CCBE1: variants seen among roughly 807,000 people sequenced by gnomAD.
CCBE1 encodes collagen and calcium-binding EGF domain-containing protein 1.
In CCBE1, 37 loss-of-function variants were observed where a neutral mutation model predicts 50.0. The observed-to-expected ratio is 0.74, with a 90% CI of 0.57 to 0.97. The LOEUF is 0.97. CCBE1 is among the 50% of genes least tolerant of loss of function. The pLI, the probability that CCBE1 is intolerant of heterozygous loss-of-function variation, is 0.00. For synonymous variants in CCBE1, 234 were observed against 203.7 expected (o/e 1.15, Z -1.27); for missense variants, 538 against 523.8 (o/e 1.03, Z -0.26).
At position 59,435,006 on chromosome 18, in the gene CCBE1, CCT is replaced by C. The variant is rs1164722348; in HGVS notation, c.*900_*901del. ...CCTGCTCAGAACCAGGAATTCTGCA[CCT>C]CTCTCTAAGCTCAGCCAGTTTATTG... is the stretch of plus-strand genomic sequence containing the variant. On this transcript the variant is annotated 3_prime_UTR_variant, in exon 11 of 11. Transcript: ENST00000439986. 6.6e-6 allele frequency: 1 copy of C among 152,204 alleles called. No homozygotes were observed. The highest frequency in any genetic ancestry group is 1.5e-5 in the Non-Finnish European group (1 of 68,058). 9.4% of individuals were successfully genotyped at this position (152,204 alleles called of 1,614,324 possible).
chr18:59,468,450 G>A (rs1285371699), intron 4 of CCBE1, among the ~76,000 whole-genome samples: 1 of 152,120 alleles, frequency 6.6e-6, no homozygotes, highest in Non-Finnish European at 1.5e-5. Context: ...CCTTGTGCCT[G>A]GGACCTGAGC....
chr18:59,633,624 G>C (rs143164137), intron 2 of CCBE1, among the ~76,000 whole-genome samples: 52 of 152,176 alleles, frequency 3.4e-4, no homozygotes, highest in African/African-American at 1.2e-3. Flanking sequence ...AGTGACCCTA[G>C]AGGCAAAACA....
intron 2 of CCBE1, among the ~76,000 whole-genome samples, chr18:59,624,470 C>G (rs1420245555): frequency 6.6e-6 from 1 of 152,118 alleles, no homozygotes; most frequent in Non-Finnish European, 1.5e-5. Context: ...TTGGAACTAC[C>G]AAGATCTGGT....
At chr18:59,543,158 T>G (rs1915535650) in intron 2 of CCBE1, among the ~76,000 whole-genome samples, 1 of 152,194 alleles carries the variant, frequency 6.6e-6, no homozygotes, top group South Asian at 2.1e-4. Flanking sequence ...CTGGTGAAGA[T>G]GCAGAGTCCA....
chr18:59,547,112 G>A (rs1915733780), intron 2 of CCBE1, among the ~76,000 whole-genome samples: 1 of 129,776 alleles, frequency 7.7e-6, no homozygotes, highest in Non-Finnish European at 1.6e-5. Flanking sequence ...GGAGAGGGAG[G>A]GGAAGAGAGG....
At chr18:59,448,345 T>C (rs770242544) in intron 6 of CCBE1, among the ~76,000 whole-genome samples, 1 of 152,174 alleles carries the variant, frequency 6.6e-6, no homozygotes, top group Admixed American at 6.5e-5. Flanking sequence ...AAGCTCCAGA[T>C]GGCCTAGATA....
intron 2 of CCBE1, among the ~76,000 whole-genome samples, chr18:59,572,208 T>C (rs1271313601): frequency 6.6e-6 from 1 of 152,234 alleles, no homozygotes; most frequent in Admixed American, 6.5e-5. Context: ...CAAAATGTCT[T>C]GCACTATCAA....
At position 59,486,746 on chromosome 18, in the gene CCBE1, A is replaced by G. The variant is rs912116712; in HGVS notation, c.213-6508T>C. The stretch of plus-strand genomic sequence containing the variant: ...AAGATGATCTCCAAGTCTGGTGAGA[A>G]GGAAGACTTCCATCTTTCTCCCCAA... On this transcript the variant is annotated intron_variant, in intron 2 of 10. Transcript: ENST00000439986. Among the ~76,000 whole-genome samples, 120 of 152,300 alleles carry G rather than the reference A, an allele frequency of 7.9e-4. 1 individual carries two copies. The highest frequency in any genetic ancestry group is 2.5e-3 in the African/African-American group (103 of 41,566).
chr18:59,553,825 CA>C (rs1360678396), intron 2 of CCBE1, among the ~76,000 whole-genome samples: 2 of 152,168 alleles, frequency 1.3e-5, no homozygotes, highest in African/African-American at 4.8e-5. Context: ...ACCCGGAGGC[CA>C]GAGGAAGAGC....
chr18:59,648,696 T>C (rs1380689369), intron 2 of CCBE1, among the ~76,000 whole-genome samples: 1 of 152,140 alleles, frequency 6.6e-6, no homozygotes, highest in Non-Finnish European at 1.5e-5. Flanking sequence ...AGCAAGACCC[T>C]GTCTCAAAAG....
intron 7 of CCBE1, among the ~76,000 whole-genome samples, chr18:59,446,296 T>C (rs1169803162): frequency 6.6e-6 from 1 of 152,220 alleles, no homozygotes; most frequent in Admixed American, 6.5e-5. Flanking sequence ...GTTGGTTTTG[T>C]TCTAGTGATC....
rs55840819 is a variant in CCBE1 at position 59,477,538 on chromosome 18, C to CTGTGTGTG, written c.265+2640_265+2647dup. On this transcript the variant is annotated intron_variant, in intron 3 of 10. Coordinates refer to ENST00000439986, the MANE Select transcript of CCBE1 (RefSeq NM_133459.4). ...CTTTCCATGGATTATTTCCATGTCT[C>CTGTGTGTG]TGTGTGTGTGTGTGTGTGTGTGTGT... is the stretch of plus-strand genomic sequence containing the variant. Among the ~76,000 whole-genome samples the CTGTGTGTG allele has an allele frequency of 4.5e-3, 668 of 149,984 alleles. 2 individuals are homozygous for CTGTGTGTG. Among genetic ancestry groups the CTGTGTGTG allele is most frequent in the African/African-American group, 0.015 (617 of 41,110 alleles).
intron 2 of CCBE1, among the ~76,000 whole-genome samples, chr18:59,510,418 A>G (rs564837530): frequency 2.6e-5 from 4 of 152,056 alleles, no homozygotes; most frequent in African/African-American, 7.2e-5. Flanking sequence ...TTTAAGTTGC[A>G]AATTGAACTT....
At chr18:59,515,387 G>T (rs1181995084) in intron 2 of CCBE1, among the ~76,000 whole-genome samples, 1 of 152,144 alleles carries the variant, frequency 6.6e-6, no homozygotes, top group Non-Finnish European at 1.5e-5. Context: ...ACCCAGGAGG[G>T]GGGCCACTTC....
At chr18:59,679,090 G>A (rs2054550089) in intron 2 of CCBE1, among the ~76,000 whole-genome samples, 1 of 152,188 alleles carries the variant, frequency 6.6e-6, no homozygotes, top group African/African-American at 2.4e-5. Flanking sequence ...CCTTTGAGGT[G>A]AAGTAATTTT....
chr18:59,503,353 C>G (rs1040046514), intron 2 of CCBE1, among the ~76,000 whole-genome samples: 2 of 132,426 alleles, frequency 1.5e-5, no homozygotes, highest in African/African-American at 6.0e-5. Context: ...TGTGGTATCA[C>G]AGAGGGCATT....
intron 2 of CCBE1, among the ~76,000 whole-genome samples, chr18:59,594,542 G>GTT (rs2053321947): frequency 6.6e-6 from 1 of 152,188 alleles, no homozygotes; most frequent in Non-Finnish European, 1.5e-5. Context: ...GTAAGCTTCT[G>GTT]TTATGTATGT....
chr18:59,639,944 A>G (rs1350614850), intron 2 of CCBE1, among the ~76,000 whole-genome samples: 1 of 152,214 alleles, frequency 6.6e-6, no homozygotes, highest in African/African-American at 2.4e-5. Context: ...CAGGGAGGTG[A>G]AAGATCTCTA....
chr18:59,494,406 T>C (rs1598950283), intron 2 of CCBE1, among the ~76,000 whole-genome samples: 1 of 152,228 alleles, frequency 6.6e-6, no homozygotes, highest in East Asian at 1.9e-4. Context: ...CTGAACCTAA[T>C]TTAATCTGTA....
Sources: allele counts gnomAD v4.1 joint callset (sites outside exome capture counted in the v4.1 genomes callset), GRCh38; gene constraint gnomAD v4.1.1; transcripts MANE v1.5; gene names NCBI Gene and HGNC (gene_info 2026-07-23, HGNC 2026-07-21).